The following GHR variants were observed in gnomAD, a reference collection of about 807,000 sequenced individuals.
GHR encodes the protein GH receptor.
GHR carries 35 observed loss-of-function variants against 67.1 expected under a neutral mutation model. The observed-to-expected ratio is 0.52, with a 90% CI of 0.40 to 0.69. GHR has a LOEUF of 0.69. Among genes scored for constraint, GHR ranks in the 30% least tolerant of loss-of-function variants. The pLI, the probability that GHR is intolerant of heterozygous loss-of-function variation, is 0.00. For missense variants in GHR, 792 were observed against 764.6 expected, an observed-to-expected ratio of 1.04 and a Z score of -0.42; for synonymous variants, 272 against 269.1, an observed-to-expected ratio of 1.01 and a Z score of -0.10.
chr5:42,504,231 A>G (rs1206946372), intron 1 of GHR, among the ~76,000 whole-genome samples: 2 of 152,196 alleles, frequency 1.3e-5, no homozygotes, highest in Admixed American at 1.3e-4. Flanking sequence ...TGATATGACC[A>G]CATTCTGACT....
At chr5:42,456,296 C>A (rs138446694) in intron 1 of GHR, among the ~76,000 whole-genome samples, 2 of 152,048 alleles carry the variant, frequency 1.3e-5, no homozygotes, top group Admixed American at 6.5e-5. Flanking sequence ...GGTGACAGAG[C>A]GAGACTCCGT....
chr5:42,487,171 G>C (rs1254859187), intron 1 of GHR, among the ~76,000 whole-genome samples: 1 of 152,160 alleles, frequency 6.6e-6, no homozygotes, highest in African/African-American at 2.4e-5. Context: ...CCTTACTTAA[G>C]GACTTTGTTA....
chr5:42,709,476 G>A (rs376019653), intron 6 of GHR, among the ~76,000 whole-genome samples: 17 of 152,184 alleles, frequency 1.1e-4, no homozygotes, highest in African/African-American at 3.4e-4. Flanking sequence ...GCATGACCAT[G>A]TGGTTGTTTA....
chr5:42,534,384 ATG>A (rs1315888357), intron 1 of GHR, among the ~76,000 whole-genome samples: 3 of 140,790 alleles, frequency 2.1e-5, no homozygotes, highest in East Asian at 4.3e-4. Context: ...GTATATATGT[ATG>A]TATATATGTA....
chr5:42,688,175 G>A (rs1757249197), intron 3 of GHR, among the ~76,000 whole-genome samples: 1 of 152,232 alleles, frequency 6.6e-6, no homozygotes, highest in Non-Finnish European at 1.5e-5. Flanking sequence ...AGGCCCTGTA[G>A]TGCATGCTGT....
chr5:42,718,769 C>G lies in GHR; in HGVS notation c.1262C>G (p.Ala421Gly), dbSNP rs748907983. 1 of 1,614,102 alleles carries G rather than the reference C, an allele frequency of 6.2e-7. No individual in the cohort carries two copies. Among genetic ancestry groups the G allele is most frequent in the Non-Finnish European group, 8.5e-7 (1 of 1,179,982 alleles). The change falls in exon 10 of 10, where the codon GCA becomes GGA. Residue 421 changes from alanine to glycine, a missense_variant. Physicochemically the swap from Ala to Gly is moderately conservative, Grantham distance 60. Coordinates refer to ENST00000230882, the MANE Select transcript of GHR (RefSeq NM_000163.5). ...CAGCCACAGAGGTTAAAAGGGGAAG[C>G]AGATCTCTTATGCCTTGACCAGAAG... ...VAQPQRLKGE[A>G]DLLCLDQKNQ... is the part of the protein sequence containing the mutation.
At chr5:42,576,138 T>TAAAATA (rs1750724333) in intron 2 of GHR, among the ~76,000 whole-genome samples, 1 of 92,846 alleles carries the variant, frequency 1.1e-5, no homozygotes, top group African/African-American at 4.6e-5. Flanking sequence ...TAAAATAAAA[T>TAAAATA]AAAATAGTAA....
intron 1 of GHR, among the ~76,000 whole-genome samples, chr5:42,464,155 A>T (rs1744626495): frequency 1.3e-5 from 2 of 150,640 alleles, no homozygotes; most frequent in African/African-American, 4.9e-5. Flanking sequence ...TGCTTTCATT[A>T]TCTACTTACT....
chr5:42,670,647 G>A (rs564789619), intron 3 of GHR, among the ~76,000 whole-genome samples: 61 of 151,676 alleles, frequency 4.0e-4, no homozygotes, highest in African/African-American at 1.3e-3. Context: ...TATTCCAAAA[G>A]GTACAAGGAA....
chr5:42,522,109 A>G (rs1435210054), intron 1 of GHR, among the ~76,000 whole-genome samples: 2 of 152,174 alleles, frequency 1.3e-5, no homozygotes. Context: ...TATTGCACAT[A>G]GGAAAACATC....
chr5:42,699,276 T>C (rs1757817045), intron 5 of GHR, among the ~76,000 whole-genome samples: 1 of 152,208 alleles, frequency 6.6e-6, no homozygotes, highest in Non-Finnish European at 1.5e-5. Flanking sequence ...GATTCTGTTA[T>C]ATCTTGAAAG....
intron 1 of GHR, among the ~76,000 whole-genome samples, chr5:42,530,785 T>C (rs1392637586): frequency 1.3e-5 from 2 of 152,190 alleles, no homozygotes; most frequent in African/African-American, 4.8e-5. Flanking sequence ...GTTTTTTCAC[T>C]TCTTTCAATA....
chr5:42,469,488 C>G (rs910549243), intron 1 of GHR, among the ~76,000 whole-genome samples: 5 of 152,192 alleles, frequency 3.3e-5, no homozygotes, highest in African/African-American at 1.2e-4. Flanking sequence ...GGGAGAGGAC[C>G]TGCTTTCTCC....
At chr5:42,699,241 T>C (rs1394193468) in intron 5 of GHR, among the ~76,000 whole-genome samples, 1 of 152,126 alleles carries the variant, frequency 6.6e-6, no homozygotes, top group East Asian at 1.9e-4. Context: ...CAGGTTATAG[T>C]GGTGCAGGCG....
chr5:42,553,031 A>T (rs1749118340), intron 1 of GHR, among the ~76,000 whole-genome samples: 1 of 152,216 alleles, frequency 6.6e-6, no homozygotes, highest in African/African-American at 2.4e-5. Context: ...GACATGCTTC[A>T]GTGGTGATTA....
At chr5:42,660,329 AC>A (rs1329014630) in intron 3 of GHR, among the ~76,000 whole-genome samples, 3 of 152,074 alleles carry the variant, frequency 2.0e-5, no homozygotes, top group Non-Finnish European at 4.4e-5. Flanking sequence ...CTGACCCCTG[AC>A]CCCTGAGCAG....
chr5:42,713,539 C>G lies in GHR; in HGVS notation c.875+20C>G. 1 of 1,007,822 alleles carries G rather than the reference C, an allele frequency of 9.9e-7. No homozygotes were observed. Among genetic ancestry groups the G allele is most frequent in the South Asian group, 1.3e-5 (1 of 79,028 alleles). 62.4% of individuals were successfully genotyped at this position (1,007,822 alleles called of 1,614,324 possible). On this transcript the variant is annotated intron_variant, in intron 8 of 9. Coordinates refer to ENST00000230882, the MANE Select transcript of GHR (RefSeq NM_000163.5). The stretch of plus-strand genomic sequence containing the variant: ...GCAAAGGTAGGTGTGGAGTAGTATT[C>G]TTTGGTATTTTGTACCAGTTGTTTA...
At chr5:42,672,038 CATA>C (rs1756341873) in intron 3 of GHR, among the ~76,000 whole-genome samples, 5 of 150,328 alleles carry the variant, frequency 3.3e-5, no homozygotes, top group Admixed American at 3.3e-4. Flanking sequence ...CCCACAACAA[CATA>C]ATAATAAATG....
chr5:42,640,507 GGAC>G, intron 3 of GHR, among the ~76,000 whole-genome samples: 1 of 151,972 alleles, frequency 6.6e-6, no homozygotes, highest in Non-Finnish European at 1.5e-5. Context: ...TGGAAGAGTA[GGAC>G]TTGCCTGGGA....
Sources: allele counts gnomAD v4.1 joint callset (sites outside exome capture counted in the v4.1 genomes callset), GRCh38; gene constraint gnomAD v4.1.1; transcripts MANE v1.5; gene names NCBI Gene and HGNC (gene_info 2026-07-23, HGNC 2026-07-21).